POMT2: variants seen among roughly 807,000 people sequenced by gnomAD.
POMT2 encodes the protein protein O-mannosyltransferase 2, also known as protein O-mannosyl-transferase 2.
In POMT2, 75 loss-of-function variants were observed where a neutral mutation model predicts 100.0. The ratio of observed to expected loss-of-function variants is 0.75; its 90% CI spans 0.62 to 0.91. The LOEUF (loss-of-function observed/expected upper bound fraction) is 0.91. Among genes scored for constraint, POMT2 ranks in the 40% least tolerant of loss-of-function variants. The probability of loss-of-function intolerance (pLI) is 0.00; values close to 1 mark genes in which losing one functional copy is unlikely to be tolerated. For synonymous variants in POMT2, 378 were observed against 374.1 expected (o/e 1.01, Z -0.12); for missense variants, 940 against 955.1 (o/e 0.98, Z 0.21).
intron 6 of POMT2, 27 bp downstream of exon 6, chr14:77,301,063 T>C (rs1300090470): frequency 4.3e-6 from 7 of 1,613,390 alleles, no homozygotes; most frequent in Non-Finnish European, 5.9e-6. Context: ...GCAAAAACAT[T>C]TCCACAGCAA....
At chr14:77,307,858 CT>C (rs57755259) in intron 2 of POMT2, among the ~76,000 whole-genome samples, 74 of 101,216 alleles carry the variant, frequency 7.3e-4, no homozygotes, top group Admixed American at 1.4e-3. Flanking sequence ...TTAATTTCTT[CT>C]TTTTTTTTTT....
At chr14:77,302,114 A>G (rs1311026588) in intron 5 of POMT2, among the ~76,000 whole-genome samples, 1 of 152,224 alleles carries the variant, frequency 6.6e-6, no homozygotes. Flanking sequence ...ATGGAGCTTA[A>G]TGAGCCTGGC....
chr14:77,315,181 G>A (rs909774408), intron 1 of POMT2, among the ~76,000 whole-genome samples: 2 of 152,144 alleles, frequency 1.3e-5, no homozygotes, highest in African/African-American at 4.8e-5. Context: ...AGAGGTTACT[G>A]CAGACACTCA....
At position 77,320,686 on chromosome 14, in the gene POMT2, C is replaced by T; in HGVS notation, c.-5G>A. The T allele has an allele frequency of 1.3e-6, 2 of 1,593,234 alleles. No individual in the cohort carries two copies. The highest frequency in any genetic ancestry group is 8.5e-7 in the Non-Finnish European group (1 of 1,178,068). On this transcript the variant is annotated 5_prime_UTR_variant, in exon 1 of 21. Transcript: ENST00000261534. ...TCCGCCCGTGGCCGGCGGCATCTTCCCCCTCCTCTGGGTCGCCCTCCGGCC... is the reference window on the plus strand; with the variant it reads ...TCCGCCCGTGGCCGGCGGCATCTTCTCCCTCCTCTGGGTCGCCCTCCGGCC...
At chr14:77,296,097 G>T in intron 9 of POMT2, 67 bp downstream of exon 9, 1 of 1,219,934 alleles carries the variant, frequency 8.2e-7, no homozygotes. Context: ...AAGGATAGGA[G>T]GCAAGAGAGT....
At chr14:77,306,108 C>G in intron 3 of POMT2, 1 of 593,038 alleles carries the variant, frequency 1.7e-6, no homozygotes, top group Non-Finnish European at 2.8e-6. Flanking sequence ...TGCGTGCCTG[C>G]TTCTATCTAT....
rs1010582034 is a variant in POMT2 at position 77,275,270 on chromosome 14, A to G, written c.*2106T>C. On this transcript the variant is annotated 3_prime_UTR_variant, in exon 21 of 21. Coordinates refer to ENST00000261534, the MANE Select transcript of POMT2 (RefSeq NM_013382.7). The stretch of plus-strand genomic sequence containing the variant: ...CCAGTTTGGGCATGGAGGAACAGAA[A>G]GTGGGCAGGGAATTCTCCTTGGCTC... The G allele has an allele frequency of 6.6e-6, 1 of 152,176 alleles. No homozygotes were observed. Among genetic ancestry groups the G allele is most frequent in the African/African-American group, 2.4e-5 (1 of 41,454 alleles). The allele number at this position is 152,176 out of a possible 1,614,324, so 9.4% of individuals were successfully genotyped here. A position where few individuals can be genotyped will look rare whatever the true frequency, so the allele number is the denominator to read the frequency against.
chr14:77,310,802 G>T (rs1387314252), intron 2 of POMT2, among the ~76,000 whole-genome samples: 1 of 152,186 alleles, frequency 6.6e-6, no homozygotes, highest in Non-Finnish European at 1.5e-5. Context: ...GTGAATTCCA[G>T]GGCTAATCCG....
Position 77,278,528 on chromosome 14 carries a change from C to T in POMT2, c.2033-20G>A, listed in dbSNP as rs1057524128. On this transcript the variant is annotated intron_variant, in intron 19 of 20. Coordinates refer to ENST00000261534, the MANE Select transcript of POMT2 (RefSeq NM_013382.7). ...GAATGCCTAGAGGAGAGGAGAGAAACCTGGAGTCAGCCAGGCAGGGGGTGA... is the reference window on the plus strand; with the variant it reads ...GAATGCCTAGAGGAGAGGAGAGAAATCTGGAGTCAGCCAGGCAGGGGGTGA... 5.5e-6 allele frequency: 8 copies of T among 1,458,822 alleles called. No homozygotes were observed. Among genetic ancestry groups the T allele is most frequent in the Non-Finnish European group, 7.5e-6 (8 of 1,069,526 alleles). 90.4% of individuals were successfully genotyped at this position (1,458,822 alleles called of 1,614,324 possible).
At chr14:77,308,936 C>T (rs545061044) in intron 2 of POMT2, among the ~76,000 whole-genome samples, 1 of 152,260 alleles carries the variant, frequency 6.6e-6, no homozygotes, top group Admixed American at 6.5e-5. Context: ...ATACATGCTG[C>T]CCACCAACTG....
At chr14:77,308,267 A>G (rs1393094259) in intron 2 of POMT2, among the ~76,000 whole-genome samples, 1 of 152,200 alleles carries the variant, frequency 6.6e-6, no homozygotes, top group African/African-American at 2.4e-5. Context: ...TGGCTAACAT[A>G]TGAAAAAATG....
At chr14:77,302,728 C>G in intron 5 of POMT2, 107 bp downstream of exon 5, 1 of 826,026 alleles carries the variant, frequency 1.2e-6, no homozygotes, top group Non-Finnish European at 2.0e-6. Flanking sequence ...GCCTTAAAAT[C>G]AGCTTCAAGA....
At chr14:77,296,538 G>T in intron 8 of POMT2, 2 of 484,378 alleles carry the variant, frequency 4.1e-6, no homozygotes, top group Non-Finnish European at 7.5e-6. Context: ...ACGTGTAACA[G>T]CAAAAGACGA....
chr14:77,298,765 A>T lies in POMT2; in HGVS notation c.930T>A (p.Pro310=), dbSNP rs765881407. The change falls in exon 8 of 21, where the codon CCT becomes CCA. Residue 310 remains proline (P), a synonymous_variant. Coordinates refer to ENST00000261534, the MANE Select transcript of POMT2 (RefSeq NM_013382.7). The part of the protein sequence containing the change: ...VHFMVLSKSG[P]GDGFFSSAFQ... ...AGGCAGAACTGAAGAAACCGTCACC[A>T]GGGCCACTGTGGGGAGAGGAAGAGC... 3 of 1,612,680 alleles carry T rather than the reference A, an allele frequency of 1.9e-6. No individual in the cohort carries two copies. The highest frequency in any genetic ancestry group is 2.5e-6 in the Non-Finnish European group (3 of 1,179,330).
intron 15 of POMT2, 104 bp downstream of exon 15, chr14:77,283,693 C>A: frequency 9.6e-7 from 1 of 1,036,270 alleles, no homozygotes; most frequent in South Asian, 1.3e-5. Flanking sequence ...TCAAATTCCT[C>A]CACAAGGGGG....
chr14:77,276,393 A>C lies in POMT2; in HGVS notation c.*983T>G, dbSNP rs1188500503. ...AAGCTCAGCAGGTGACAGGAACATT[A>C]GTCTGGAGAGGCCAGAGTCCCCACA... On this transcript the variant is annotated 3_prime_UTR_variant, in exon 21 of 21. Transcript: ENST00000261534. The C allele has an allele frequency of 6.5e-6, 1 of 152,756 alleles. No individual in the cohort carries two copies. Among genetic ancestry groups the C allele is most frequent in the Non-Finnish European group, 1.5e-5 (1 of 68,248 alleles). The allele number at this position is 152,756 out of a possible 1,614,324, so 9.5% of individuals were successfully genotyped here.
intron 1 of POMT2, among the ~76,000 whole-genome samples, chr14:77,315,802 A>G (rs955221817): frequency 6.6e-6 from 1 of 152,222 alleles, no homozygotes; most frequent in African/African-American, 2.4e-5. Context: ...ACCTGAGGTC[A>G]GGAGTTTGAG....
chr14:77,302,945 T>C lies in POMT2; in HGVS notation c.548-2A>G, dbSNP rs1343361571. On this transcript the variant is annotated splice_acceptor_variant, in intron 4 of 20. Transcript: ENST00000261534. LOFTEE classifies it high-confidence loss of function. ...GGGACAGAGTGAGGCATCCCGTGTCTGAAAAACATGAGCTCGCTGGTGAAA... is the reference window on the plus strand; with the variant it reads ...GGGACAGAGTGAGGCATCCCGTGTCCGAAAAACATGAGCTCGCTGGTGAAA... 1.2e-6 allele frequency: 2 copies of C among 1,606,242 alleles called. No homozygotes were observed. The highest frequency in any genetic ancestry group is 2.2e-5 in the East Asian group (1 of 44,758).
intron 11 of POMT2, chr14:77,287,881 T>G (rs1444102316): frequency 2.0e-5 from 3 of 152,184 alleles, no homozygotes; most frequent in Non-Finnish European, 4.4e-5. Flanking sequence ...AACATGAATT[T>G]GAGCTCCAAG....
Sources: allele counts gnomAD v4.1 joint callset (sites outside exome capture counted in the v4.1 genomes callset), GRCh38; gene constraint gnomAD v4.1.1; transcripts MANE v1.5; gene names NCBI Gene and HGNC (gene_info 2026-07-23, HGNC 2026-07-21).